FNIP1: variants seen among roughly 807,000 people sequenced by gnomAD.
The protein encoded by FNIP1 is folliculin-interacting protein 1.
Under a neutral mutation model 124.5 loss-of-function variants are expected in FNIP1, and 40 were observed. That is an observed-to-expected ratio of 0.32 (90% CI 0.25 to 0.42). FNIP1 has a LOEUF of 0.42. FNIP1 is among the 10% of genes least tolerant of loss of function. The pLI is 1.00. For synonymous variants in FNIP1, 472 were observed against 470.6 expected (o/e 1.00, Z -0.04); for missense variants, 1,176 against 1,403.7 (o/e 0.84, Z 2.59).
chr5:131,671,124 T>C (rs368472434), intron 14 of FNIP1, among the ~76,000 whole-genome samples: 1 of 152,342 alleles, frequency 6.6e-6, no homozygotes, highest in East Asian at 1.9e-4. Context: ...ATACATTCTC[T>C]GTTTTCCTCT....
chr5:131,781,050 G>C (rs963999576), intron 1 of FNIP1, among the ~76,000 whole-genome samples: 1 of 152,206 alleles, frequency 6.6e-6, no homozygotes, highest in African/African-American at 2.4e-5. Context: ...GTAAGAAAGT[G>C]AAACAGCCTT....
chr5:131,773,351 CCTAAA>C (rs1771704386), intron 1 of FNIP1, among the ~76,000 whole-genome samples: 1 of 152,120 alleles, frequency 6.6e-6, no homozygotes, highest in East Asian at 1.9e-4. Flanking sequence ...AGTCTCACAG[CCTAAA>C]CTAAAGCTCC....
rs376855516 is a variant in FNIP1 at position 131,672,801 on chromosome 5, A to G, written c.1643T>C (p.Leu548Pro). 55 of 1,613,532 alleles carry G rather than the reference A, an allele frequency of 3.4e-5. No individual in the cohort carries two copies. Among genetic ancestry groups the G allele is most frequent in the Non-Finnish European group, 4.7e-5 (55 of 1,179,912 alleles). Reference protein sequence around the residue: ...FLTYFIRCSELQETHLLENGE... With the variant: ...FLTYFIRCSEPQETHLLENGE... ...ATTTTCTAAAAGATGCGTTTCTTGA[A>G]GTTCAGAGCATCTTATAAAATAAGT... is the stretch of plus-strand genomic sequence containing the variant. The change falls in exon 14 of 18, where the codon CTT becomes CCT. Residue 548 changes from leucine (L) to proline (P), a missense_variant. Transcript: ENST00000510461.
rs576714021 is a variant in FNIP1, at chr5:131,742,441, C to T, written c.219+2123G>A. On this transcript the variant is annotated intron_variant, in intron 2 of 17. Transcript: ENST00000510461. ...TTGTGCCACTGCACTCCAGCCTGGGCGAGAGAGCGAGACCCTGTCTCAAGA... is the reference window on the plus strand; with the variant it reads ...TTGTGCCACTGCACTCCAGCCTGGGTGAGAGAGCGAGACCCTGTCTCAAGA... 2.2e-4 allele frequency among the ~76,000 whole-genome samples: 33 copies of T among 152,242 alleles called. No homozygotes were observed. In the East Asian group the frequency reaches 3.9e-3, roughly 18 times the overall value.
At chr5:131,660,542 T>C (rs1767395813) in intron 15 of FNIP1, among the ~76,000 whole-genome samples, 1 of 152,082 alleles carries the variant, frequency 6.6e-6, no homozygotes, top group Non-Finnish European at 1.5e-5. Flanking sequence ...AAATCAGCCG[T>C]AAGCACCTGT....
intron 2 of FNIP1, among the ~76,000 whole-genome samples, chr5:131,742,996 A>T (rs1399928052): frequency 6.6e-6 from 1 of 152,218 alleles, no homozygotes. Flanking sequence ...GTAACAGGAC[A>T]ATTTTTTACT....
At chr5:131,785,392 T>C (rs910911807) in intron 1 of FNIP1, among the ~76,000 whole-genome samples, 7 of 151,340 alleles carry the variant, frequency 4.6e-5, no homozygotes, top group Admixed American at 4.6e-4. Context: ...CCGCCGCTAC[T>C]AAAAATACAA....
intron 2 of FNIP1, among the ~76,000 whole-genome samples, chr5:131,741,028 A>G (rs991156142): frequency 1.3e-5 from 2 of 152,196 alleles, no homozygotes; most frequent in Non-Finnish European, 2.9e-5. Flanking sequence ...TTAGCATACA[A>G]TCAAGAAATA....
chr5:131,697,605 A>G (rs116180546), intron 11 of FNIP1, among the ~76,000 whole-genome samples: 5 of 152,260 alleles, frequency 3.3e-5, no homozygotes, highest in African/African-American at 1.2e-4. Flanking sequence ...TACATGATAT[A>G]TAAATTTGGC....
chr5:131,729,904 C>A (rs561939166), intron 3 of FNIP1, among the ~76,000 whole-genome samples: 3 of 151,866 alleles, frequency 2.0e-5, no homozygotes, highest in Admixed American at 6.5e-5. Flanking sequence ...TGCCACCATG[C>A]CTAATTTTAC....
At chr5:131,786,780 C>T (rs1772233251) in intron 1 of FNIP1, among the ~76,000 whole-genome samples, 1 of 152,176 alleles carries the variant, frequency 6.6e-6, no homozygotes, top group Non-Finnish European at 1.5e-5. Flanking sequence ...CCACGTGATG[C>T]CTTTTTCCAC....
chr5:131,744,954 A>T (rs2149560982), intron 1 of FNIP1, among the ~76,000 whole-genome samples: 1 of 151,898 alleles, frequency 6.6e-6, no homozygotes, highest in African/African-American at 2.4e-5. Context: ...TGATTTTTGA[A>T]AGCATTAACT....
At chr5:131,738,812 CTTT>C (rs71806851) in intron 2 of FNIP1, among the ~76,000 whole-genome samples, 12 of 139,946 alleles carry the variant, frequency 8.6e-5, no homozygotes, top group African/African-American at 2.2e-4. Flanking sequence ...TGCATCCGGC[CTTT>C]TTTTTTTTTT....
intron 15 of FNIP1, among the ~76,000 whole-genome samples, chr5:131,665,899 CTTTTTTTTTTTT>C (rs11292297): frequency 8.1e-6 from 1 of 122,966 alleles, no homozygotes; most frequent in Non-Finnish European, 1.5e-5. Context: ...TAAAATAATA[CTTTTTTTTTTTT>C]TTTTTTTTGA....
chr5:131,700,475 T>C lies in FNIP1; in HGVS notation c.1117-1473A>G, dbSNP rs554647719. Among the ~76,000 whole-genome samples the C allele has an allele frequency of 2.6e-5, 4 of 152,250 alleles. No individual in the cohort carries two copies. The East Asian group carries it at 7.7e-4, about 29-fold the overall frequency. ...ATATTGTTTAAAAAAATAATTAAGA[T>C]GTCAGCCTACTTTAGGCCAGAAATC... On this transcript the variant is annotated intron_variant, in intron 10 of 17. Transcript: ENST00000510461.
intron 1 of FNIP1, among the ~76,000 whole-genome samples, chr5:131,777,061 G>GT (rs1449962486): frequency 1.3e-5 from 2 of 151,952 alleles, no homozygotes; most frequent in Non-Finnish European, 2.9e-5. Flanking sequence ...GCGAGACTCT[G>GT]TATCTACTAA....
At chr5:131,752,178 G>T (rs1005571550) in intron 1 of FNIP1, among the ~76,000 whole-genome samples, 1 of 151,906 alleles carries the variant, frequency 6.6e-6, no homozygotes, top group Non-Finnish European at 1.5e-5. Context: ...CGAGTAGCTG[G>T]GACTACAGGT....
chr5:131,774,050 CAG>C (rs1771726095), intron 1 of FNIP1, among the ~76,000 whole-genome samples: 1 of 152,172 alleles, frequency 6.6e-6, no homozygotes, highest in Non-Finnish European at 1.5e-5. Flanking sequence ...CATTTTGAGA[CAG>C]AGTCTCATTC....
At chr5:131,683,826 G>A (rs2149520784) in intron 11 of FNIP1, among the ~76,000 whole-genome samples, 1 of 152,218 alleles carries the variant, frequency 6.6e-6, no homozygotes. Flanking sequence ...CACTGAATTA[G>A]CAACACTGAA....
Sources: allele counts gnomAD v4.1 joint callset (sites outside exome capture counted in the v4.1 genomes callset), GRCh38; gene constraint gnomAD v4.1.1; transcripts MANE v1.5; gene names NCBI Gene and HGNC (gene_info 2026-07-23, HGNC 2026-07-21).